Variants in GJB7 observed in about 807,000 individuals in gnomAD.
The protein encoded by GJB7 is gap junction protein beta 7.
For missense variants in GJB7, 253 were observed against 256.8 expected (o/e 0.99, Z 0.10); for synonymous variants, 87 against 95.2 (o/e 0.91, Z 0.50).
intron 2 of GJB7, among the ~76,000 whole-genome samples, chr6:87,302,552 T>C (rs1052131252): frequency 6.6e-6 from 1 of 152,226 alleles, no homozygotes; most frequent in Non-Finnish European, 1.5e-5. Flanking sequence ...CCATGTCTGA[T>C]TGGTATACCT....
At chr6:87,288,384 A>G (rs1255056307) in intron 2 of GJB7, among the ~76,000 whole-genome samples, 1 of 152,238 alleles carries the variant, frequency 6.6e-6, no homozygotes, top group Non-Finnish European at 1.5e-5. Flanking sequence ...AATGTTTACA[A>G]AGCAAGCCAA....
intron 2 of GJB7, among the ~76,000 whole-genome samples, chr6:87,300,611 T>C (rs1441173654): frequency 1.3e-5 from 2 of 152,232 alleles, no homozygotes; most frequent in Admixed American, 1.3e-4. Context: ...CAATATATAA[T>C]GGGTTACTGC....
chr6:87,294,453 T>A (rs554684057), intron 2 of GJB7, among the ~76,000 whole-genome samples: 1 of 152,304 alleles, frequency 6.6e-6, no homozygotes, highest in South Asian at 2.1e-4. Flanking sequence ...GAGAAGAACA[T>A]GGTCAAGGTT....
chr6:87,307,742 C>T lies in GJB7; in HGVS notation c.-28+15124G>A, dbSNP rs183555065. Reference sequence around the variant, plus strand: ...CAGGAAACAACAGGTGCTGGAGAGGCTGTGGAGAAATAGGAACACTTTTAC... The same window carrying T: ...CAGGAAACAACAGGTGCTGGAGAGGTTGTGGAGAAATAGGAACACTTTTAC... On this transcript the variant is annotated intron_variant, in intron 2 of 2. Coordinates refer to ENST00000525899, the MANE Select transcript of GJB7 (RefSeq NM_198568.3). 7.2e-5 allele frequency among the ~76,000 whole-genome samples: 11 copies of T among 152,174 alleles called. No individual in the cohort carries two copies. The East Asian group carries it at 1.9e-3, about 27-fold the overall frequency.
At chr6:87,287,942 G>A (rs1329777382) in intron 2 of GJB7, among the ~76,000 whole-genome samples, 1 of 151,834 alleles carries the variant, frequency 6.6e-6, no homozygotes, top group Non-Finnish European at 1.5e-5. Context: ...TTGCTCTGTT[G>A]CCCAGGCTAG....
At chr6:87,309,097 G>A (rs1776478660) in intron 2 of GJB7, among the ~76,000 whole-genome samples, 1 of 152,142 alleles carries the variant, frequency 6.6e-6, no homozygotes, top group South Asian at 2.1e-4. Flanking sequence ...GATGTGGGAG[G>A]TTTGGAAGAG....
chr6:87,300,179 C>T (rs925355435), intron 2 of GJB7: 3 of 217,416 alleles, frequency 1.4e-5, no homozygotes, highest in Non-Finnish European at 2.9e-5. Context: ...CTCAAAAATC[C>T]TGCAGTGACT....
In GJB7 at chr6:87,284,739, G is replaced by C. The variant is rs200117390; in HGVS notation, c.174C>G (p.Pro58=). 1.9e-6 allele frequency: 3 copies of C among 1,613,940 alleles called. No individual in the cohort carries two copies. The highest frequency in any genetic ancestry group is 2.7e-5 in the African/African-American group (2 of 74,870). ...QKEFECNSRQ[P]GCKNVCFDDF... ...CATCAAAACACACATTTTTGCAACC[G>C]GGCTGTCTACTGTTGCACTCAAACT... The change falls in exon 3 of 3, where the codon CCC becomes CCG. Residue 58 remains proline, a synonymous_variant. Transcript: ENST00000525899.
intron 2 of GJB7, among the ~76,000 whole-genome samples, chr6:87,296,702 G>A (rs1776252740): frequency 6.6e-6 from 1 of 152,032 alleles, no homozygotes; most frequent in South Asian, 2.1e-4. Flanking sequence ...AGGATTTGGG[G>A]AATAACTATT....
intron 2 of GJB7, among the ~76,000 whole-genome samples, chr6:87,302,849 C>G (rs1420469030): frequency 6.6e-6 from 1 of 152,182 alleles, no homozygotes; most frequent in Non-Finnish European, 1.5e-5. Context: ...ACTCTACAAG[C>G]CAGAAGAGAG....
At chr6:87,314,112 T>G (rs907038082) in intron 2 of GJB7, among the ~76,000 whole-genome samples, 2 of 152,246 alleles carry the variant, frequency 1.3e-5, no homozygotes, top group Non-Finnish European at 2.9e-5. Flanking sequence ...GTTGTTTTAT[T>G]TCACAGGCAC....
At chr6:87,323,070 G>T (rs1753152) in intron 1 of GJB7, 27 bp from the exon 2 acceptor site, 89,334 of 147,780 alleles carry the variant, frequency 0.6, 26,575 homozygotes, top group African/African-American at 0.63. Flanking sequence ...AGAACTTAAC[G>T]GAATGAAGTT....
At chr6:87,325,534 T>C (rs1228573547) in intron 1 of GJB7, among the ~76,000 whole-genome samples, 2 of 149,880 alleles carry the variant, frequency 1.3e-5, no homozygotes, top group Non-Finnish European at 3.0e-5. Context: ...CATGTGGTTT[T>C]TGTCTTTGGT....
chr6:87,324,071 T>A lies in GJB7; in HGVS notation c.-205-1028A>T, dbSNP rs566796676. The stretch of plus-strand genomic sequence containing the variant: ...GTGTGTTTTGGCTGCATAAATGTCT[T>A]CTTTTGAGAAGTGTCTGTTCATGTC... On this transcript the variant is annotated intron_variant, in intron 1 of 2. Transcript: ENST00000525899. Among the ~76,000 whole-genome samples the A allele has an allele frequency of 4.6e-5, 7 of 151,610 alleles. 1 individual carries two copies. In the East Asian group the frequency reaches 7.7e-4, roughly 17 times the overall value.
chr6:87,311,442 A>G (rs1776511508), intron 2 of GJB7, among the ~76,000 whole-genome samples: 1 of 152,208 alleles, frequency 6.6e-6, no homozygotes, highest in Non-Finnish European at 1.5e-5. Context: ...CCTCACAAAG[A>G]CCACCAGAAA....
intron 2 of GJB7, among the ~76,000 whole-genome samples, chr6:87,320,058 G>A (rs9359745): frequency 0.057 from 8,624 of 151,994 alleles, 332 homozygotes; most frequent in East Asian, 0.13. Context: ...GATTTTTAGC[G>A]GGTACAAAAG....
At chr6:87,291,965 T>A (rs1776181367) in intron 2 of GJB7, 1 of 152,220 alleles carries the variant, frequency 6.6e-6, no homozygotes, top group African/African-American at 2.4e-5. Context: ...TAATAAGAGA[T>A]CCAGTCAGTT....
At position 87,294,932 on chromosome 6, in the gene GJB7, G is replaced by A. The variant is rs74487551; in HGVS notation, c.-27-9993C>T. Among the ~76,000 whole-genome samples, 670 of 152,178 alleles carry A rather than the reference G, an allele frequency of 4.4e-3. 6 individuals carry two copies. The highest frequency in any genetic ancestry group is 0.017 in the Middle Eastern group (5 of 294). On this transcript the variant is annotated intron_variant, in intron 2 of 2. Coordinates refer to ENST00000525899, the MANE Select transcript of GJB7 (RefSeq NM_198568.3). ...CTGGACTTATTTCTTACTTAACTTCGTAGCCTTGCTCAAGATGCTTGACTT... is the reference window on the plus strand; with the variant it reads ...CTGGACTTATTTCTTACTTAACTTCATAGCCTTGCTCAAGATGCTTGACTT...
At chr6:87,310,511 AG>A (rs1776500652) in intron 2 of GJB7, among the ~76,000 whole-genome samples, 1 of 152,092 alleles carries the variant, frequency 6.6e-6, no homozygotes, top group Non-Finnish European at 1.5e-5. Context: ...CAAGTGTGGG[AG>A]GGGGGTGAGG....
Sources: gnomAD v4.1 joint callset for allele counts (sites outside exome capture counted in the v4.1 genomes callset) on GRCh38, gnomAD v4.1.1 for gene constraint, MANE v1.5 for transcripts, NCBI Gene and HGNC (gene_info 2026-07-23, HGNC 2026-07-21) for gene names.